The following JAZF1 variants were observed in gnomAD, a reference collection of about 807,000 sequenced individuals.
JAZF1 encodes JAZF zinc finger 1, also known as juxtaposed with another zinc finger protein 1.
In JAZF1, 8 loss-of-function variants were observed where a neutral mutation model predicts 26.4. That is an observed-to-expected ratio of 0.30 (90% CI 0.18 to 0.55). JAZF1 has a LOEUF of 0.55. JAZF1 is among the 20% of genes least tolerant of loss of function. The pLI, the probability that JAZF1 is intolerant of heterozygous loss-of-function variation, is 0.94. For synonymous variants in JAZF1, 126 were observed against 122.3 expected (o/e 1.03, Z -0.20); for missense variants, 199 against 322.0 (o/e 0.62, Z 2.92).
chr7:27,840,929 G>T lies in JAZF1; in HGVS notation c.386-62C>A. On this transcript the variant is annotated intron_variant, in intron 3 of 4. Coordinates refer to ENST00000283928, the MANE Select transcript of JAZF1 (RefSeq NM_175061.4). The surrounding 1 kb of genome is among the most constrained non-coding windows in gnomAD (Gnocchi z 5.1). ...GCTCATCTCCCCACAGGTTCACCCGGCCACTTCCAGGACAGGAGATGTGGC... is the reference window on the plus strand; with the variant it reads ...GCTCATCTCCCCACAGGTTCACCCGTCCACTTCCAGGACAGGAGATGTGGC... The T allele has an allele frequency of 1.9e-6, 3 of 1,561,482 alleles. No homozygotes were observed. Among genetic ancestry groups the T allele is most frequent in the Non-Finnish European group, 2.6e-6 (3 of 1,143,500 alleles).
intron 3 of JAZF1, among the ~76,000 whole-genome samples, chr7:27,882,719 T>C (rs941732260): frequency 2.8e-4 from 42 of 152,350 alleles, no homozygotes; most frequent in African/African-American, 9.4e-4. Flanking sequence ...CATTTTATTG[T>C]TAAAACTTGA....
chr7:28,085,559 T>C (rs990791552), intron 1 of JAZF1, among the ~76,000 whole-genome samples: 2 of 152,222 alleles, frequency 1.3e-5, no homozygotes, highest in African/African-American at 4.8e-5. Context: ...ATATTCAAAG[T>C]GTCATCCCCC....
intron 1 of JAZF1, among the ~76,000 whole-genome samples, chr7:28,096,266 G>C (rs1228877414): frequency 2.6e-5 from 4 of 152,342 alleles, no homozygotes; most frequent in Admixed American, 6.5e-5. Context: ...GAGAAGTTCT[G>C]TGGTGAGGAA....
intron 1 of JAZF1, among the ~76,000 whole-genome samples, chr7:28,115,087 A>C (rs1342900677): frequency 6.6e-6 from 1 of 152,182 alleles, no homozygotes; most frequent in Non-Finnish European, 1.5e-5. Flanking sequence ...GTGAAATGAC[A>C]CATGTAGGTT....
At chr7:27,912,053 G>T (rs1003321737) in intron 2 of JAZF1, among the ~76,000 whole-genome samples, 3 of 152,134 alleles carry the variant, frequency 2.0e-5, no homozygotes, top group Non-Finnish European at 2.9e-5. Flanking sequence ...GCTCAGAATG[G>T]GGGTGTACTG....
intron 1 of JAZF1, among the ~76,000 whole-genome samples, chr7:28,142,887 T>C (rs1398599153): frequency 6.6e-6 from 1 of 152,130 alleles, no homozygotes; most frequent in Non-Finnish European, 1.5e-5. Context: ...CCAGATGCAA[T>C]CCAATTCACT....
intron 1 of JAZF1, chr7:27,992,353 C>G: frequency 2.8e-6 from 1 of 363,018 alleles, no homozygotes; most frequent in South Asian, 2.3e-5. Flanking sequence ...AATGCTGGAA[C>G]AAATTAGTTT....
chr7:28,046,199 T>C (rs552232149), intron 1 of JAZF1, among the ~76,000 whole-genome samples: 1 of 152,304 alleles, frequency 6.6e-6, no homozygotes, highest in South Asian at 2.1e-4. Context: ...TACAAAACCT[T>C]TAGGAGCCAA....
At chr7:27,966,432 T>C (rs1284219875) in intron 2 of JAZF1, among the ~76,000 whole-genome samples, 1 of 152,050 alleles carries the variant, frequency 6.6e-6, no homozygotes, top group Non-Finnish European at 1.5e-5. Context: ...CGGATGGAGG[T>C]AGAGAGTGAG....
chr7:27,927,247 GT>G lies in JAZF1; in HGVS notation c.189-31832del, dbSNP rs1490317737. Among the ~76,000 whole-genome samples the G allele has an allele frequency of 2.0e-5, 3 of 152,290 alleles. No homozygotes were observed. The East Asian group carries it at 5.8e-4, about 29-fold the overall frequency. ...TCTCGTGCTCAGCTGGGAGTCCCCT[GT>G]GGAGCCCCCATCCCAATTTCTTCCC... On this transcript the variant is annotated intron_variant, in intron 2 of 4. Transcript: ENST00000283928.
At chr7:27,845,558 G>T (rs550234189) in intron 3 of JAZF1, among the ~76,000 whole-genome samples, 42 of 151,984 alleles carry the variant, frequency 2.8e-4, no homozygotes, top group Non-Finnish European at 5.3e-4. Flanking sequence ...TTAGCTGAAC[G>T]TGGAGGCACG....
intron 1 of JAZF1, among the ~76,000 whole-genome samples, chr7:28,116,530 C>A (rs1784745136): frequency 6.6e-6 from 1 of 152,076 alleles, no homozygotes; most frequent in African/African-American, 2.4e-5. Context: ...CTGCAACCTC[C>A]ACCTCCCCGG....
intron 2 of JAZF1, among the ~76,000 whole-genome samples, chr7:27,970,815 T>C (rs576916735): frequency 6.6e-6 from 1 of 152,350 alleles, no homozygotes; most frequent in East Asian, 1.9e-4. Flanking sequence ...TCTTACATAT[T>C]TTAGTTTATG....
intron 1 of JAZF1, among the ~76,000 whole-genome samples, chr7:28,133,163 T>A (rs1005918079): frequency 6.6e-6 from 1 of 152,212 alleles, no homozygotes. Flanking sequence ...AAACACCCTC[T>A]GTAAAATGCA....
At chr7:28,131,341 C>T (rs1453534672) in intron 1 of JAZF1, among the ~76,000 whole-genome samples, 1 of 151,934 alleles carries the variant, frequency 6.6e-6, no homozygotes, top group East Asian at 1.9e-4. Flanking sequence ...AATGAGTATA[C>T]CTGACTGTAC....
At chr7:28,113,871 G>T (rs575845449) in intron 1 of JAZF1, among the ~76,000 whole-genome samples, 5 of 152,084 alleles carry the variant, frequency 3.3e-5, no homozygotes, top group Non-Finnish European at 5.9e-5. Context: ...GAAAATATCC[G>T]GATCTCTATA....
chr7:27,972,961 A>ACC (rs1486825257), intron 2 of JAZF1, among the ~76,000 whole-genome samples: 1 of 151,374 alleles, frequency 6.6e-6, no homozygotes, highest in African/African-American at 2.4e-5. Flanking sequence ...ATACACACAC[A>ACC]CACACATACA....
At chr7:28,071,260 C>T (rs186084003) in intron 1 of JAZF1, among the ~76,000 whole-genome samples, 11 of 152,274 alleles carry the variant, frequency 7.2e-5, no homozygotes, top group Admixed American at 3.9e-4. Flanking sequence ...GCAAGACCTG[C>T]GTTCATAACG....
At chr7:27,847,217 C>T (rs892546401) in intron 3 of JAZF1, among the ~76,000 whole-genome samples, 5 of 150,934 alleles carry the variant, frequency 3.3e-5, no homozygotes, top group Non-Finnish European at 7.4e-5. Flanking sequence ...CTCGAACTCC[C>T]GACCTCAGGT....
Sources: allele counts gnomAD v4.1 joint callset (sites outside exome capture counted in the v4.1 genomes callset), GRCh38; gene constraint gnomAD v4.1.1; non-coding constraint Gnocchi (gnomAD v3.1); transcripts MANE v1.5; gene names NCBI Gene and HGNC (gene_info 2026-07-23, HGNC 2026-07-21).